PLCB4: variants seen among roughly 807,000 people sequenced by gnomAD.
PLCB4 encodes the protein phospholipase C beta 4.
Under a neutral mutation model 178.8 loss-of-function variants are expected in PLCB4, and 77 were observed. That is an observed-to-expected ratio of 0.43 (90% CI 0.36 to 0.52). The LOEUF (loss-of-function observed/expected upper bound fraction) is 0.52. Ranked by LOEUF, PLCB4 falls within the 20% of genes least tolerant of loss-of-function variation. PLCB4 has a pLI of 0.00. For missense variants in PLCB4, 1,024 were observed against 1,453.4 expected, an observed-to-expected ratio of 0.70 and a Z score of 4.80; for synonymous variants, 496 against 490.8, an observed-to-expected ratio of 1.01 and a Z score of -0.14.
intron 25 of PLCB4, among the ~76,000 whole-genome samples, chr20:9,413,699 T>G (rs2040035283): frequency 6.6e-6 from 1 of 151,932 alleles, no homozygotes; most frequent in African/African-American, 2.4e-5. Context: ...CCTATGTTGT[T>G]TGTTTTTCCT....
intron 19 of PLCB4, among the ~76,000 whole-genome samples, chr20:9,396,795 G>A (rs57450166): frequency 0.039 from 5,957 of 152,196 alleles, 390 homozygotes; most frequent in African/African-American, 0.13. Flanking sequence ...GCTAGTAAGT[G>A]TTCAATAACA....
intron 2 of PLCB4, among the ~76,000 whole-genome samples, chr20:9,177,281 T>C (rs1909214946): frequency 6.6e-6 from 1 of 152,160 alleles, no homozygotes; most frequent in Admixed American, 6.5e-5. Context: ...AATTGCTGAA[T>C]AGTGTTCCTG....
intron 2 of PLCB4, among the ~76,000 whole-genome samples, chr20:9,107,190 A>G (rs1190713166): frequency 1.3e-5 from 2 of 152,104 alleles, no homozygotes; most frequent in Non-Finnish European, 2.9e-5. Context: ...TGGAGCATTT[A>G]TTTACTCGTT....
intron 3 of PLCB4, among the ~76,000 whole-genome samples, chr20:9,257,770 A>C (rs1010271356): frequency 4.6e-5 from 7 of 152,336 alleles, no homozygotes; most frequent in African/African-American, 1.7e-4. Context: ...AGATAACTAA[A>C]ATATAAATTT....
At chr20:9,097,594 C>G (rs1417084440) in intron 2 of PLCB4, among the ~76,000 whole-genome samples, 1 of 152,048 alleles carries the variant, frequency 6.6e-6, no homozygotes, top group Non-Finnish European at 1.5e-5. Context: ...ACAATTTGTC[C>G]TGATTTAATT....
intron 2 of PLCB4, among the ~76,000 whole-genome samples, chr20:9,125,326 GTATAT>G (rs997491218): frequency 8.6e-5 from 13 of 152,034 alleles, no homozygotes; most frequent in African/African-American, 3.1e-4. Flanking sequence ...GTTTATTAAG[GTATAT>G]TATACTCTCT....
At chr20:9,107,378 G>A (rs945471812) in intron 2 of PLCB4, among the ~76,000 whole-genome samples, 11 of 152,154 alleles carry the variant, frequency 7.2e-5, no homozygotes, top group African/African-American at 1.7e-4. Flanking sequence ...ACAGAGAAAA[G>A]GGGGAATAGG....
intron 25 of PLCB4, among the ~76,000 whole-genome samples, chr20:9,415,987 A>T (rs2040217491): frequency 1.3e-5 from 2 of 152,118 alleles, no homozygotes; most frequent in South Asian, 4.2e-4. Flanking sequence ...TGCTCCTTTG[A>T]CCTTCAAAGA....
intron 7 of PLCB4, among the ~76,000 whole-genome samples, chr20:9,350,566 T>C (rs896269916): frequency 6.6e-6 from 1 of 151,968 alleles, no homozygotes; most frequent in African/African-American, 2.4e-5. Context: ...CTTTTTCTCT[T>C]TTTTTTTCTG....
chr20:9,254,496 G>C (rs1460234730), intron 3 of PLCB4, among the ~76,000 whole-genome samples: 2 of 152,062 alleles, frequency 1.3e-5, no homozygotes, highest in East Asian at 3.9e-4. Flanking sequence ...CTAGGAGTTC[G>C]AGACCAGCCT....
intron 2 of PLCB4, among the ~76,000 whole-genome samples, chr20:9,196,802 G>A (rs112962743): frequency 3.9e-5 from 6 of 152,260 alleles, no homozygotes; most frequent in African/African-American, 1.4e-4. Flanking sequence ...TAGTACAAAG[G>A]TTCTCAGTAA....
At chr20:9,122,128 CAAAG>C (rs1489483388) in intron 2 of PLCB4, among the ~76,000 whole-genome samples, 1 of 151,918 alleles carries the variant, frequency 6.6e-6, no homozygotes, top group Non-Finnish European at 1.5e-5. Context: ...AGAAGAGAGA[CAAAG>C]AAACATTATT....
At position 9,329,243 on chromosome 20, in the gene PLCB4, G is replaced by A. The variant is rs116184112; in HGVS notation, c.85-7883G>A. On this transcript the variant is annotated intron_variant, in intron 4 of 39. Coordinates refer to ENST00000378473, the MANE Select transcript of PLCB4 (RefSeq NM_001377142.1). Reference sequence around the variant, plus strand: ...GCTTGTTTATCTATGTCTGTAGCTCGGTTTTTCAGGCTGCTCTTTGTTAGA... The same window carrying A: ...GCTTGTTTATCTATGTCTGTAGCTCAGTTTTTCAGGCTGCTCTTTGTTAGA... Among the ~76,000 whole-genome samples the A allele has an allele frequency of 2.3e-3, 345 of 152,278 alleles. 1 individual carries two copies. Among genetic ancestry groups the A allele is most frequent in the Middle Eastern group, 0.014 (4 of 294 alleles).
intron 2 of PLCB4, among the ~76,000 whole-genome samples, chr20:9,211,107 C>T (rs1429384063): frequency 2.0e-5 from 3 of 152,088 alleles, no homozygotes; most frequent in Non-Finnish European, 4.4e-5. Context: ...GCGATTCATT[C>T]GAGGGCTTTT....
intron 2 of PLCB4, among the ~76,000 whole-genome samples, chr20:9,098,681 A>G (rs1340247468): frequency 6.6e-6 from 1 of 150,844 alleles, no homozygotes; most frequent in East Asian, 1.9e-4. Context: ...GTATATATAC[A>G]TATGTACGTA....
In PLCB4 at chr20:9,459,703, G is replaced by A. The variant is rs1227520279; in HGVS notation, c.3141G>A (p.Glu1047=). 3.7e-6 allele frequency: 6 copies of A among 1,613,016 alleles called. 1 individual carries two copies. In the Middle Eastern group the frequency reaches 5.0e-4, roughly 133 times the overall value. Residue 1047 remains glutamate (E), a synonymous_variant, in exon 35 of 40, where the codon GAG becomes GAA. Transcript: ENST00000378473. ...TGATCAATACCCACAGTGCTGAGGA[G>A]CAAGAAATCCGAGACCTGCACCTCA... ...SEMINTHSAE[E]QEIRDLHLSQ...
At chr20:9,332,747 A>G (rs2031875267) in intron 4 of PLCB4, among the ~76,000 whole-genome samples, 1 of 152,128 alleles carries the variant, frequency 6.6e-6, no homozygotes, top group Admixed American at 6.6e-5. Context: ...CTATCCTGCT[A>G]TAACTGTGTA....
chr20:9,474,624 C>G (rs1006764166), intron 38 of PLCB4, among the ~76,000 whole-genome samples: 3 of 151,948 alleles, frequency 2.0e-5, no homozygotes, highest in Non-Finnish European at 4.4e-5. Context: ...AATGACTCCC[C>G]TTGAAGAATA....
At chr20:9,257,734 C>T (rs1218307407) in intron 3 of PLCB4, among the ~76,000 whole-genome samples, 1 of 151,962 alleles carries the variant, frequency 6.6e-6, no homozygotes, top group Non-Finnish European at 1.5e-5. Context: ...ACTGAACGAA[C>T]CAGAATCAAC....
Sources: gnomAD v4.1 joint callset for allele counts (sites outside exome capture counted in the v4.1 genomes callset) on GRCh38, gnomAD v4.1.1 for gene constraint, MANE v1.5 for transcripts, NCBI Gene and HGNC (gene_info 2026-07-23, HGNC 2026-07-21) for gene names.